Variants in CAND1 observed in about 807,000 individuals in gnomAD.
The protein encoded by CAND1 is cullin-associated NEDD8-dissociated protein 1.
CAND1 carries 7 observed loss-of-function variants against 108.5 expected under a neutral mutation model. The ratio of observed to expected loss-of-function variants is 0.06; its 90% CI spans 0.04 to 0.12. CAND1 has a LOEUF of 0.12. CAND1 is among the 10% of genes least tolerant of loss of function. CAND1 has a pLI of 1.00. For synonymous variants in CAND1, 534 were observed against 512.0 expected (o/e 1.04, Z -0.58); for missense variants, 941 against 1,448.7 (o/e 0.65, Z 5.69).
chr12:67,287,244 G>A (rs1359135670), intron 2 of CAND1, among the ~76,000 whole-genome samples: 1 of 152,192 alleles, frequency 6.6e-6, no homozygotes, highest in Non-Finnish European at 1.5e-5. Flanking sequence ...AGAAACATGG[G>A]TGTAGATAAG....
At chr12:67,276,135 A>ATT (rs753570917) in intron 1 of CAND1, among the ~76,000 whole-genome samples, 2 of 151,916 alleles carry the variant, frequency 1.3e-5, no homozygotes, top group African/African-American at 2.4e-5. Context: ...GGCCATTAGA[A>ATT]TTTTCTTCCT....
In CAND1 at chr12:67,316,717, A is replaced by C. The variant is rs1307918546; in HGVS notation, c.*3887A>C. ...TTAATTATTTTGCTGAGGTCTTAGAAGACAGAAAGCTTATGCTATGTAAAG... is the reference window on the plus strand; with the variant it reads ...TTAATTATTTTGCTGAGGTCTTAGACGACAGAAAGCTTATGCTATGTAAAG... On this transcript the variant is annotated 3_prime_UTR_variant, in exon 15 of 15. Transcript: ENST00000545606. 1.3e-5 allele frequency: 2 copies of C among 152,236 alleles called. No homozygotes were observed. Among genetic ancestry groups the C allele is most frequent in the Admixed American group, 1.3e-4 (2 of 15,282 alleles). 9.4% of individuals were successfully genotyped at this position (152,236 alleles called of 1,614,324 possible). A position where few individuals can be genotyped will look rare whatever the true frequency, so the allele number is the denominator to read the frequency against.
chr12:67,308,229 G>A (rs1420389082), intron 11 of CAND1, among the ~76,000 whole-genome samples: 1 of 151,998 alleles, frequency 6.6e-6, no homozygotes, highest in Non-Finnish European at 1.5e-5. Flanking sequence ...GTAGCTTTGT[G>A]CCATTCTTCA....
chr12:67,311,823 C>T lies in CAND1; in HGVS notation c.3468+23C>T, dbSNP rs368661887. ...AAGGTAAGAAATGATAAGTATCAAC[C>T]TAGGTCAGACTTGGTGTATTGGGGA... is the stretch of plus-strand genomic sequence containing the variant. On this transcript the variant is annotated intron_variant, in intron 14 of 14. Coordinates refer to ENST00000545606, the MANE Select transcript of CAND1 (RefSeq NM_018448.5). 4.0e-4 allele frequency: 541 copies of T among 1,365,118 alleles called. 5 individuals are homozygous for T. Among genetic ancestry groups the T allele is most frequent in the Admixed American group, 1.2e-4 (7 of 59,506 alleles). 84.6% of individuals were successfully genotyped at this position (1,365,118 alleles called of 1,614,324 possible).
rs990960985 is a variant in CAND1 at position 67,269,527 on chromosome 12, A to G, written c.-191A>G. On this transcript the variant is annotated 5_prime_UTR_variant, in exon 1 of 15. Transcript: ENST00000545606. ...CTGTAGCCTCGGCTTACCCCGGGAC[A>G]GGCCCACGCCTCGCCAGGGAGGGGG... 3.6e-6 allele frequency: 2 copies of G among 561,124 alleles called. No homozygotes were observed. The highest frequency in any genetic ancestry group is 6.2e-6 in the Non-Finnish European group (2 of 323,776). 34.8% of individuals were successfully genotyped at this position (561,124 alleles called of 1,614,324 possible). A position where few individuals can be genotyped will look rare whatever the true frequency, so the allele number is the denominator to read the frequency against.
At chr12:67,274,515 A>G (rs2044551552) in intron 1 of CAND1, among the ~76,000 whole-genome samples, 6 of 152,248 alleles carry the variant, frequency 3.9e-5, no homozygotes, top group Admixed American at 3.9e-4. Context: ...ACCTTGTCTT[A>G]CTAAACGGAA....
chr12:67,285,998 T>G (rs1244705352), intron 2 of CAND1, among the ~76,000 whole-genome samples: 1 of 152,090 alleles, frequency 6.6e-6, no homozygotes, highest in African/African-American at 2.4e-5. Context: ...TGTCTTTGTT[T>G]TATTTTATTT....
In CAND1 at chr12:67,314,545, G is replaced by T. The variant is rs2044988941; in HGVS notation, c.*1715G>T. 1 of 152,178 alleles carries T rather than the reference G, an allele frequency of 6.6e-6. No individual in the cohort carries two copies. Among genetic ancestry groups the T allele is most frequent in the Non-Finnish European group, 1.5e-5 (1 of 68,016 alleles). 9.4% of individuals were successfully genotyped at this position (152,178 alleles called of 1,614,324 possible). A position where few individuals can be genotyped will look rare whatever the true frequency, so the allele number is the denominator to read the frequency against. On this transcript the variant is annotated 3_prime_UTR_variant, in exon 15 of 15. Coordinates refer to ENST00000545606, the MANE Select transcript of CAND1 (RefSeq NM_018448.5). ...ATGTACTATGCATTTCTGTGGTATA[G>T]ATGTTGTGGATATATTTAAGTATTT...
chr12:67,311,581 A>C, intron 13 of CAND1, 112 bp from the exon 14 acceptor site: 1 of 335,584 alleles, frequency 3.0e-6, no homozygotes, highest in Non-Finnish European at 5.1e-6. Flanking sequence ...CATTAAAAGG[A>C]AGGTTTACTT....
chr12:67,299,202 GA>G (rs2044799667), intron 7 of CAND1, 107 bp downstream of exon 7: 1 of 1,073,420 alleles, frequency 9.3e-7, no homozygotes, highest in Non-Finnish European at 1.3e-6. Flanking sequence ...TTATAATAGT[GA>G]AAAGGGAAAT....
chr12:67,273,677 A>G (rs1032309731), intron 1 of CAND1, among the ~76,000 whole-genome samples: 1 of 151,588 alleles, frequency 6.6e-6, no homozygotes. Context: ...GGGTATCACC[A>G]TGTTTCCCAG....
At chr12:67,283,327 T>G (rs2135996212) in intron 2 of CAND1, among the ~76,000 whole-genome samples, 1 of 152,312 alleles carries the variant, frequency 6.6e-6, no homozygotes, top group East Asian at 1.9e-4. Flanking sequence ...TTCACACCTG[T>G]AATCCTAGCA....
In CAND1 at chr12:67,306,053, T is replaced by C; in HGVS notation, c.2385T>C (p.Ser795=). ...GCACAGCTCTTACTCATAAGCAGTC[T>C]TATTATTCCATTGCCAAATGTGTAG... ...SQSTALTHKQ[S]YYSIAKCVAA... is the part of the protein sequence containing the mutation. Residue 795 remains serine, a synonymous_variant, in exon 10 of 15, where the codon TCT becomes TCC. Transcript: ENST00000545606. The C allele has an allele frequency of 1.9e-6, 3 of 1,614,130 alleles. No homozygotes were observed. Among genetic ancestry groups the C allele is most frequent in the Non-Finnish European group, 2.5e-6 (3 of 1,180,014 alleles).
At chr12:67,279,758 A>G (rs1354101712) in intron 1 of CAND1, among the ~76,000 whole-genome samples, 1 of 152,196 alleles carries the variant, frequency 6.6e-6, no homozygotes, top group Non-Finnish European at 1.5e-5. Flanking sequence ...TAAATAAACA[A>G]TAAGTAAAGA....
At chr12:67,298,448 A>G (rs964228048) in intron 6 of CAND1, among the ~76,000 whole-genome samples, 2 of 152,172 alleles carry the variant, frequency 1.3e-5, no homozygotes, top group Non-Finnish European at 2.9e-5. Context: ...TAATCATACC[A>G]TATTCTGAAA....
At chr12:67,272,988 AC>A (rs2044535566) in intron 1 of CAND1, among the ~76,000 whole-genome samples, 1 of 151,990 alleles carries the variant, frequency 6.6e-6, no homozygotes, top group Non-Finnish European at 1.5e-5. Flanking sequence ...CACCGCATCC[AC>A]CCATGCAGGG....
At chr12:67,311,842 T>C (rs377389256) in intron 14 of CAND1, 42 bp downstream of exon 14, 8 of 1,130,896 alleles carry the variant, frequency 7.1e-6, no homozygotes, top group African/African-American at 6.1e-5. Flanking sequence ...ACTTGGTGTA[T>C]TGGGGATTCC....
chr12:67,271,223 C>T (rs1264301029), intron 1 of CAND1, among the ~76,000 whole-genome samples: 1 of 152,002 alleles, frequency 6.6e-6, no homozygotes, highest in Non-Finnish European at 1.5e-5. Flanking sequence ...TTGTGTAGTT[C>T]TAGGGCCAAA....
intron 4 of CAND1, among the ~76,000 whole-genome samples, 193 bp downstream of exon 4, chr12:67,295,349 T>C (rs2044759567): frequency 6.6e-6 from 1 of 152,210 alleles, no homozygotes; most frequent in Non-Finnish European, 1.5e-5. Flanking sequence ...GTATATAATA[T>C]TGTATAGTAA....
Sources: gnomAD v4.1 joint callset for allele counts (sites outside exome capture counted in the v4.1 genomes callset) on GRCh38, gnomAD v4.1.1 for gene constraint, MANE v1.5 for transcripts, NCBI Gene and HGNC (gene_info 2026-07-23, HGNC 2026-07-21) for gene names.